Variants in C11orf65 observed in about 807,000 individuals in gnomAD.
The protein encoded by C11orf65 is protein MFI.
A neutral mutation model predicts 35.3 loss-of-function variants in C11orf65; 38 were observed. The observed-to-expected ratio is 1.08, with a 90% CI of 0.83 to 1.41. C11orf65 has a LOEUF of 1.41. Ranked by LOEUF, C11orf65 falls within the 40% of genes most tolerant of loss-of-function variation. The pLI is 0.00. For missense variants in C11orf65, 370 were observed against 367.1 expected (o/e 1.01, Z -0.06); for synonymous variants, 105 against 114.4 (o/e 0.92, Z 0.53).
At chr11:108,436,617 G>C (rs1337410083) in intron 2 of C11orf65, among the ~76,000 whole-genome samples, 2 of 152,092 alleles carry the variant, frequency 1.3e-5, no homozygotes, top group Admixed American at 6.5e-5. Context: ...TTATTCTATT[G>C]TCAACTTGAC....
chr11:108,389,540 T>A (rs554491884), intron 7 of C11orf65, among the ~76,000 whole-genome samples: 1 of 152,314 alleles, frequency 6.6e-6, no homozygotes, highest in African/African-American at 2.4e-5. Context: ...TATACATAAC[T>A]TGGAAGCAAG....
intron 6 of C11orf65, among the ~76,000 whole-genome samples, chr11:108,315,454 A>G (rs1284221879): frequency 6.6e-6 from 1 of 152,224 alleles, no homozygotes; most frequent in African/African-American, 2.4e-5. Flanking sequence ...TATCAAATGT[A>G]TACAAATGAT....
At chr11:108,340,613 C>G (rs1455514543) in intron 2 of C11orf65, among the ~76,000 whole-genome samples, 4 of 152,172 alleles carry the variant, frequency 2.6e-5, no homozygotes, top group African/African-American at 9.7e-5. Context: ...GAGTTTAAAC[C>G]AACAGTTTAC....
At chr11:108,322,939 C>T (rs1450197330) in intron 6 of C11orf65, among the ~76,000 whole-genome samples, 1 of 151,670 alleles carries the variant, frequency 6.6e-6, no homozygotes, top group Non-Finnish European at 1.5e-5. Flanking sequence ...GGCAGGATGA[C>T]AAAGTAAAGT....
chr11:108,349,554 T>C (rs886409032), intron 2 of C11orf65, among the ~76,000 whole-genome samples: 3 of 152,074 alleles, frequency 2.0e-5, no homozygotes, highest in Non-Finnish European at 2.9e-5. Context: ...TCCCAGCTAC[T>C]TGGGAGGCTG....
Position 108,325,465 on chromosome 11 carries a change from A to C in C11orf65, c.641-16394T>G, listed in dbSNP as rs1565518723. On this transcript the variant is annotated intron_variant, in intron 6 of 6. Coordinates refer to the C11orf65 transcript ENST00000525729. Reference sequence around the variant, plus strand: ...ATGGAAAAGGAAATGGACAACTCACAAAGAGAATGTATTAAGGACATTCTC... The same window carrying C: ...ATGGAAAAGGAAATGGACAACTCACCAAGAGAATGTATTAAGGACATTCTC... 6.2e-7 allele frequency: 1 copy of C among 1,613,698 alleles called. No homozygotes were observed. Among genetic ancestry groups the C allele is most frequent in the South Asian group, 1.1e-5 (1 of 91,084 alleles).
chr11:108,310,292 A>G lies in C11orf65; in HGVS notation c.641-1221T>C, dbSNP rs1565490147. 1.9e-6 allele frequency: 3 copies of G among 1,613,508 alleles called. No homozygotes were observed. In the South Asian group the frequency reaches 3.3e-5, roughly 18 times the overall value. Reference sequence around the variant, plus strand: ...ATGCAGAAATCTATGCAGATAAGAAAAGTATGGATGATCAAGAGAAAAGGT... The same window carrying G: ...ATGCAGAAATCTATGCAGATAAGAAGAGTATGGATGATCAAGAGAAAAGGT... On this transcript the variant is annotated intron_variant, in intron 6 of 6. Coordinates refer to the C11orf65 transcript ENST00000525729.
intron 3 of C11orf65, chr11:108,331,828 GATT>G (rs1330346947): frequency 2.5e-6 from 4 of 1,575,290 alleles, no homozygotes; most frequent in African/African-American, 1.4e-5. Flanking sequence ...GAAAAATATG[GATT>G]ATATTTTTTT....
intron 6 of C11orf65, among the ~76,000 whole-genome samples, chr11:108,398,719 G>A (rs577389131): frequency 6.6e-6 from 1 of 152,316 alleles, no homozygotes; most frequent in Middle Eastern, 3.4e-3. Context: ...TATGGTAGGT[G>A]AATTTTGTTG....
rs142661863 is a variant in C11orf65 at position 108,435,830 on chromosome 11, C to T, written c.82-3992G>A. ...AATCATAGTGTGGTAGGCAGCATAA[C>T]GCTCCCTAACAAAAGATGTTCACAC... On this transcript the variant is annotated intron_variant, in intron 2 of 8. Coordinates refer to ENST00000393084, the MANE Select transcript of C11orf65 (RefSeq NM_152587.5). Among the ~76,000 whole-genome samples the T allele has an allele frequency of 3.1e-4, 47 of 152,168 alleles. No homozygotes were observed. The East Asian group carries it at 7.1e-3, about 23-fold the overall frequency.
In C11orf65 at chr11:108,385,934, G is replaced by A. The variant is rs138596748; in HGVS notation, c.773C>T (p.Ser258Leu). 1.0e-4 allele frequency: 165 copies of A among 1,613,756 alleles called. 1 individual carries two copies. In the African/African-American group the frequency reaches 1.4e-3, roughly 14 times the overall value. Residue 258 changes from serine (S) to leucine (L), a missense_variant, in exon 8 of 9, where the codon TCG becomes TTG. Coordinates refer to ENST00000393084, the MANE Select transcript of C11orf65 (RefSeq NM_152587.5). ...AAATCACCTACCTTTGAAGTTAGCC[G>A]AAGAGTTGCTTGTAGCAATTTCCTT... ...SWKEIATSNSSANFKGFRFNQ... is the reference protein window; with the variant it reads ...SWKEIATSNSLANFKGFRFNQ...
chr11:108,364,698 C>A (rs1415923134), intron 2 of C11orf65, among the ~76,000 whole-genome samples: 2 of 152,154 alleles, frequency 1.3e-5, no homozygotes, highest in African/African-American at 4.8e-5. Context: ...GTTCCCACAT[C>A]CCAATCTATA....
Position 108,385,965 on chromosome 11 carries a change from T to C in C11orf65, c.742A>G (p.Ser248Gly). ...TTGCTTGTAGCAATTTCCTTCCAGC[T>C]GGCAATGTACCTAAGCACATTATAT... ...NTLNFDEYIASWKEIATSNSS... is the reference protein window; with the variant it reads ...NTLNFDEYIAGWKEIATSNSS... Residue 248 changes from serine to glycine, a missense_variant, in exon 8 of 9, where the codon AGC becomes GGC. Physicochemically the swap from Ser to Gly is moderately conservative, Grantham distance 56. Coordinates refer to ENST00000393084, the MANE Select transcript of C11orf65 (RefSeq NM_152587.5). 6.2e-7 allele frequency: 1 copy of C among 1,613,894 alleles called. No homozygotes were observed. The highest frequency in any genetic ancestry group is 8.5e-7 in the Non-Finnish European group (1 of 1,179,838).
At chr11:108,336,618 G>A (rs969228504) in intron 2 of C11orf65, among the ~76,000 whole-genome samples, 3 of 152,188 alleles carry the variant, frequency 2.0e-5, no homozygotes, top group African/African-American at 4.8e-5. Context: ...ACGCTGTATT[G>A]TAGTGAATAA....
At chr11:108,370,784 G>C (rs1343915699) in intron 2 of C11orf65, among the ~76,000 whole-genome samples, 1 of 152,016 alleles carries the variant, frequency 6.6e-6, no homozygotes, top group Non-Finnish European at 1.5e-5. Context: ...GAACTACACT[G>C]TTTGATTTTC....
At chr11:108,337,449 A>G (rs78689541) in intron 2 of C11orf65, among the ~76,000 whole-genome samples, 1,957 of 152,360 alleles carry the variant, frequency 0.013, 52 homozygotes, top group African/African-American at 0.044. Flanking sequence ...CTCAAGCTTT[A>G]GCAGACATCA....
chr11:108,317,652 T>TATATATATATATATACAC (rs1399501257), intron 6 of C11orf65: 4 of 117,454 alleles, frequency 3.4e-5, no homozygotes, highest in African/African-American at 5.1e-5. Flanking sequence ...TATATATATA[T>TATATATATATATATACAC]ACACACACAC....
In C11orf65 at chr11:108,451,223, G is replaced by A. The variant is rs1478242464; in HGVS notation, c.81+10256C>T. 2.6e-5 allele frequency among the ~76,000 whole-genome samples: 4 copies of A among 151,424 alleles called. No homozygotes were observed. In the East Asian group the frequency reaches 5.8e-4, roughly 22 times the overall value. ...GAAGAGAGGAAGTCAAATTGTCTCT[G>A]TTTGCAGACGACATGATTGTATATT... On this transcript the variant is annotated intron_variant, in intron 2 of 8. Coordinates refer to ENST00000393084, the MANE Select transcript of C11orf65 (RefSeq NM_152587.5).
chr11:108,383,576 TA>T (rs2091913705), intron 8 of C11orf65, among the ~76,000 whole-genome samples: 1 of 152,236 alleles, frequency 6.6e-6, no homozygotes, highest in Non-Finnish European at 1.5e-5. Context: ...TGGTGCTCTG[TA>T]ACTATTAGCT....
Sources: gnomAD v4.1 joint callset for allele counts (sites outside exome capture counted in the v4.1 genomes callset) on GRCh38, gnomAD v4.1.1 for gene constraint, MANE v1.5 for transcripts, NCBI Gene and HGNC (gene_info 2026-07-23, HGNC 2026-07-21) for gene names.